Variants in TRPV4 observed in about 807,000 individuals in gnomAD.
TRPV4 encodes OSM9-like transient receptor potential channel 4.
In TRPV4, 58 loss-of-function variants were observed where a neutral mutation model predicts 84.1. The observed-to-expected ratio is 0.69, with a 90% CI of 0.56 to 0.86. The LOEUF (loss-of-function observed/expected upper bound fraction) is 0.86, where lower values mean the gene tolerates loss of function less well. Ranked by LOEUF, TRPV4 falls within the 40% of genes least tolerant of loss-of-function variation. TRPV4 has a pLI of 0.00. For missense variants in TRPV4, 879 were observed against 1,181.1 expected, an observed-to-expected ratio of 0.74 and a Z score of 3.75; for synonymous variants, 489 against 500.9, an observed-to-expected ratio of 0.98 and a Z score of 0.32.
chr12:109,800,609 C>T lies in TRPV4; in HGVS notation c.853+9G>A. 6.2e-7 allele frequency: 1 copy of T among 1,614,190 alleles called. No homozygotes were observed. Among genetic ancestry groups the T allele is most frequent in the Non-Finnish European group, 8.5e-7 (1 of 1,180,042 alleles). ...GCATGCTGTCAGCCCCCACCAGGCC[C>T]CTCCTTACCAAAGTAGAAGTAGCCC... is the stretch of plus-strand genomic sequence containing the variant. On this transcript the variant is annotated intron_variant, in intron 5 of 15. Transcript: ENST00000261740.
intron 7 of TRPV4, among the ~76,000 whole-genome samples, chr12:109,795,438 AGAAG>A (rs1272183101): frequency 6.6e-6 from 1 of 152,236 alleles, no homozygotes; most frequent in African/African-American, 2.4e-5. Context: ...GGGCAGGGCT[AGAAG>A]GAAGACCACC....
chr12:109,831,328 T>C (rs1024762357), intron 1 of TRPV4, among the ~76,000 whole-genome samples: 1 of 152,208 alleles, frequency 6.6e-6, no homozygotes, highest in African/African-American at 2.4e-5. Context: ...GGGTCCTTCC[T>C]GGGCCAGTCC....
chr12:109,803,196 C>A (rs1364104688), intron 3 of TRPV4, 53 bp from the exon 4 acceptor site: 17 of 1,606,500 alleles, frequency 1.1e-5, no homozygotes, highest in Non-Finnish European at 1.4e-5. Flanking sequence ...TGACCTTGAA[C>A]TTCCAGGCAT....
chr12:109,825,257 G>A (rs967393180), intron 1 of TRPV4, among the ~76,000 whole-genome samples: 1 of 152,012 alleles, frequency 6.6e-6, no homozygotes, highest in African/African-American at 2.4e-5. Flanking sequence ...GCTATTGTGA[G>A]GATTAAATGT....
rs186817799 is a variant in TRPV4, at chr12:109,793,270, A to G, written c.1658+257T>C. Among the ~76,000 whole-genome samples the G allele has an allele frequency of 2.9e-3, 438 of 152,358 alleles. No individual in the cohort carries two copies. The highest frequency in any genetic ancestry group is 9.8e-3 in the African/African-American group (409 of 41,590). On this transcript the variant is annotated intron_variant, in intron 10 of 15. Coordinates refer to ENST00000261740, the MANE Select transcript of TRPV4 (RefSeq NM_021625.5). The surrounding 1 kb of genome is among the most constrained non-coding windows in gnomAD (Gnocchi z 4.0). ...TCTTAACATGGCACTTCAGGCAGACATTAGCAATCATTCACCAGCATAAGA... is the reference window on the plus strand; with the variant it reads ...TCTTAACATGGCACTTCAGGCAGACGTTAGCAATCATTCACCAGCATAAGA...
At chr12:109,799,390 C>T (rs963010409) in intron 5 of TRPV4, among the ~76,000 whole-genome samples, 26 of 152,216 alleles carry the variant, frequency 1.7e-4, no homozygotes, top group Non-Finnish European at 2.4e-4. Flanking sequence ...CTCAAGTGAT[C>T]CGCCGACCTC....
At position 109,786,985 on chromosome 12, in the gene TRPV4, C is replaced by T; in HGVS notation, c.2209-148G>A. ...CCCCACTAGACACAGGGTTTATAAA[C>T]TCAAATACCCACAGGTGGCAGGCAG... On this transcript the variant is annotated intron_variant, in intron 13 of 15. Coordinates refer to ENST00000261740, the MANE Select transcript of TRPV4 (RefSeq NM_021625.5). This position sits in a 1 kb window ranked among gnomAD's most constrained non-coding sequence, Gnocchi z 4.5. The T allele has an allele frequency of 8.7e-7, 1 of 1,155,352 alleles. No homozygotes were observed. The allele number at this position is 1,155,352 out of a possible 1,614,324, so 71.6% of individuals were successfully genotyped here. A position where few individuals can be genotyped will look rare whatever the true frequency, so the allele number is the denominator to read the frequency against.
chr12:109,810,519 G>A (rs1891457169), intron 2 of TRPV4, among the ~76,000 whole-genome samples: 2 of 152,114 alleles, frequency 1.3e-5, no homozygotes, highest in South Asian at 4.1e-4. Context: ...CATGAGAAGG[G>A]GACAGCCACT....
At position 109,814,368 on chromosome 12, in the gene TRPV4, TAC is replaced by T; in HGVS notation, c.386+41_386+42del. ...GGTGGATGATGAATGGGTGAATGGA[TAC>T]AGAGGAGGAGACCACAGGCCAGGAA... On this transcript the variant is annotated intron_variant, in intron 2 of 15. Transcript: ENST00000261740. The surrounding 1 kb of genome is among the most constrained non-coding windows in gnomAD (Gnocchi z 5.4). The T allele has an allele frequency of 6.2e-7, 1 of 1,603,056 alleles. No homozygotes were observed. Among genetic ancestry groups the T allele is most frequent in the Non-Finnish European group, 8.5e-7 (1 of 1,174,342 alleles).
In TRPV4 at chr12:109,792,765, T is replaced by A; in HGVS notation, c.1711A>T (p.Ile571Phe). Reference sequence around the variant, plus strand: ...ACCATCACGGCCAGGTAGGCCTCGATCCCTGCCAGGTAGAGGGCTGCTGAG... The same window carrying A: ...ACCATCACGGCCAGGTAGGCCTCGAACCCTGCCAGGTAGAGGGCTGCTGAG... The part of the protein sequence containing the change: ...IVSAALYLAG[I>F]EAYLAVMVFA... Residue 571 changes from isoleucine to phenylalanine, a missense_variant, in exon 11 of 16, where the codon ATC (isoleucine) becomes TTC (phenylalanine). This residue lies in a region of TRPV4 where 521 missense variants were observed against 686.6 expected (regional missense o/e 0.76). Transcript: ENST00000261740. 1 of 1,613,992 alleles carries A rather than the reference T, an allele frequency of 6.2e-7. No individual in the cohort carries two copies. Among genetic ancestry groups the A allele is most frequent in the South Asian group, 1.1e-5 (1 of 91,078 alleles).
rs771228051 is a variant in TRPV4, at chr12:109,808,403, C to T, written c.452G>A (p.Arg151Gln). 8.1e-6 allele frequency: 13 copies of T among 1,614,004 alleles called. No homozygotes were observed. Among genetic ancestry groups the T allele is most frequent in the East Asian group, 4.5e-5 (2 of 44,894 alleles). The change falls in exon 3 of 16, where the codon CGG becomes CAG. Residue 151 changes from arginine (R) to glutamine (Q), a missense_variant. By Grantham distance (43) the Arg-to-Gln change is conservative (BLOSUM62 1). Around this residue, in one of 4 missense-constraint regions of TRPV4, gnomAD observed 521 missense variants for 686.6 expected, o/e 0.76. Transcript: ENST00000261740. ...GGACACGATGTCAAAGAGGATAGGC[C>T]GGTTGAAGACTTTGAGGATGGGGGG... ...QPPPILKVFNRPILFDIVSRG... is the reference protein window; with the variant it reads ...QPPPILKVFNQPILFDIVSRG...
Position 109,783,578 on chromosome 12 carries a change from C to T in TRPV4, c.*43G>A, listed in dbSNP as rs1889469987. The T allele has an allele frequency of 1.9e-6, 3 of 1,598,886 alleles. No individual in the cohort carries two copies. In the African/African-American group the frequency reaches 4.0e-5, roughly 21 times the overall value. On this transcript the variant is annotated 3_prime_UTR_variant, in exon 16 of 16. Coordinates refer to ENST00000261740, the MANE Select transcript of TRPV4 (RefSeq NM_021625.5). This position sits in a 1 kb window ranked among gnomAD's most constrained non-coding sequence, Gnocchi z 4.6. ...AAGGCACTGCTGAAATGCGGCTGGA[C>T]TAGAAATGAGTGGGCAGAGAAGCTG...
At position 109,792,694 on chromosome 12, in the gene TRPV4, A is replaced by G. The variant is rs781776257; in HGVS notation, c.1782T>C (p.Arg594=). 6.2e-7 allele frequency: 1 copy of G among 1,614,108 alleles called. No individual in the cohort carries two copies. ...TATAGGTCCCCGTCAGCTTCAGCCC[A>G]CGGGTGAAGTAAAGGGCATTCATCC... ...LGWMNALYFT[R]GLKLTGTYSI... is the part of the protein sequence containing the mutation. Residue 594 remains arginine, a synonymous_variant, in exon 11 of 16, where the codon CGT becomes CGC. Coordinates refer to ENST00000261740, the MANE Select transcript of TRPV4 (RefSeq NM_021625.5).
At chr12:109,802,591 C>T (rs537402645) in intron 4 of TRPV4, among the ~76,000 whole-genome samples, 9 of 150,162 alleles carry the variant, frequency 6.0e-5, no homozygotes, top group Admixed American at 5.4e-4. Context: ...TGTGAGCCAC[C>T]GCACCTGGCC....
In TRPV4 at chr12:109,808,563, C is replaced by T. The variant is rs537075903; in HGVS notation, c.387-95G>A. 1.6e-4 allele frequency: 202 copies of T among 1,284,852 alleles called. 1 individual carries two copies. Among genetic ancestry groups the T allele is most frequent in the Middle Eastern group, 2.7e-4 (1 of 3,672 alleles). 79.6% of individuals were successfully genotyped at this position (1,284,852 alleles called of 1,614,324 possible). On this transcript the variant is annotated intron_variant, in intron 2 of 15. Coordinates refer to ENST00000261740, the MANE Select transcript of TRPV4 (RefSeq NM_021625.5). The stretch of plus-strand genomic sequence containing the variant: ...GGGACCCAGAGACTGTGGTGGCGGG[C>T]AGGCAGCTGAAGCCTTACAAGGAAC...
intron 8 of TRPV4, 27 bp downstream of exon 8, chr12:109,794,302 G>C (rs769916122): frequency 2.5e-6 from 4 of 1,609,630 alleles, no homozygotes; most frequent in Non-Finnish European, 3.4e-6. Context: ...GCCTGCCCCA[G>C]CCCCTGCCCG....
At chr12:109,805,556 G>C (rs903622922) in intron 3 of TRPV4, among the ~76,000 whole-genome samples, 4 of 152,136 alleles carry the variant, frequency 2.6e-5, no homozygotes, top group African/African-American at 9.7e-5. Flanking sequence ...CTCTGCGGAG[G>C]GGAGGTGGGG....
rs936276510 is a variant in TRPV4 at position 109,793,463 on chromosome 12, C to T, written c.1658+64G>A. On this transcript the variant is annotated intron_variant, in intron 10 of 15. Transcript: ENST00000261740. This position sits in a 1 kb window ranked among gnomAD's most constrained non-coding sequence, Gnocchi z 4.0. ...GAATCACCTCTCTCCTGAATCTGGA[C>T]GACCTAGCAGCCCAAACCCACCTTC... The T allele has an allele frequency of 5.2e-5, 72 of 1,383,930 alleles. 1 individual carries two copies. The highest frequency in any genetic ancestry group is 3.4e-4 in the East Asian group (15 of 43,804). 85.7% of individuals were successfully genotyped at this position (1,383,930 alleles called of 1,614,324 possible). A position where few individuals can be genotyped will look rare whatever the true frequency, so the allele number is the denominator to read the frequency against.
chr12:109,788,809 G>A, intron 12 of TRPV4, 93 bp from the exon 13 acceptor site: 1 of 1,469,726 alleles, frequency 6.8e-7, no homozygotes, highest in Non-Finnish European at 9.4e-7. Context: ...AGAAAGCTGA[G>A]GCCTAGTGAG....
Sources: allele counts gnomAD v4.1 joint callset (sites outside exome capture counted in the v4.1 genomes callset), GRCh38; gene constraint gnomAD v4.1.1; regional missense constraint gnomAD v4.1.1; non-coding constraint Gnocchi (gnomAD v3.1); transcripts MANE v1.5; gene names NCBI Gene and HGNC (gene_info 2026-07-23, HGNC 2026-07-21).